Variants in TPCN2 observed in about 807,000 individuals in gnomAD.
The protein encoded by TPCN2 is two pore segment channel 2.
In TPCN2, 92 loss-of-function variants were observed where a neutral mutation model predicts 111.4. That is an observed-to-expected ratio of 0.83 (90% CI 0.70 to 0.98). The LOEUF is 0.98. TPCN2 is among the 50% of genes least tolerant of loss of function. TPCN2 has a pLI of 0.00. For missense variants in TPCN2, 995 were observed against 980.1 expected (o/e 1.02, Z -0.20); for synonymous variants, 405 against 414.5 (o/e 0.98, Z 0.28).
chr11:69,085,857 G>C lies in TPCN2; in HGVS notation c.1930G>C (p.Val644Leu). ...GTCTCTGCCCCCGCAGGCTGCCCTG[G>C]TCACTCTGTGGAACTTGATGGTGGT... ...NNFDDFAAAL[V>L]TLWNLMVVNN... Residue 644 changes from valine (V) to leucine (L), a missense_variant, in exon 22 of 25, where the codon GTC (valine) becomes CTC (leucine). Transcript: ENST00000294309. 1.2e-6 allele frequency: 2 copies of C among 1,614,158 alleles called. No individual in the cohort carries two copies. The highest frequency in any genetic ancestry group is 1.7e-6 in the Non-Finnish European group (2 of 1,180,002).
intron 4 of TPCN2, among the ~76,000 whole-genome samples, chr11:69,055,771 G>A (rs1455238322): frequency 1.3e-5 from 2 of 152,038 alleles, no homozygotes; most frequent in East Asian, 1.9e-4. Context: ...CAGGGGTTGC[G>A]CAGGCTGACA....
chr11:69,062,970 G>A lies in TPCN2; in HGVS notation c.633G>A (p.Trp211Ter). 6.2e-7 allele frequency: 1 copy of A among 1,613,932 alleles called. No homozygotes were observed. The highest frequency in any genetic ancestry group is 8.5e-7 in the Non-Finnish European group (1 of 1,179,858). ...MMKKTLKCIR[W>*]SLPEMASVGL... Reference sequence around the variant, plus strand: ...AGAAGACCTTGAAATGCATCCGCTGGTCGCTGCCGGAAATGGCCAGGTGGG... The same window carrying A: ...AGAAGACCTTGAAATGCATCCGCTGATCGCTGCCGGAAATGGCCAGGTGGG... Residue 211 changes from tryptophan (W) to a stop codon, truncating the protein, a stop_gained, in exon 6 of 25, where the codon TGG (tryptophan) becomes TGA (stop). Transcript: ENST00000294309. LOFTEE classifies it high-confidence loss of function.
rs1292031272 is a variant in TPCN2, at chr11:69,089,299, T to A, written c.*1346T>A. 6.6e-6 allele frequency: 1 copy of A among 151,804 alleles called. No individual in the cohort carries two copies. The highest frequency in any genetic ancestry group is 2.4e-5 in the African/African-American group (1 of 41,066). The allele number at this position is 151,804 out of a possible 1,614,324, so 9.4% of individuals were successfully genotyped here. A position where few individuals can be genotyped will look rare whatever the true frequency, so the allele number is the denominator to read the frequency against. On this transcript the variant is annotated 3_prime_UTR_variant, in exon 25 of 25. Transcript: ENST00000294309. ...AAACCACCGCAAACTTGGAGAAAAG[T>A]TGTAAGCACAGTAAAGAGAAGCTTC...
intron 7 of TPCN2, among the ~76,000 whole-genome samples, chr11:69,065,187 G>A (rs1041011109): frequency 1.3e-5 from 2 of 152,172 alleles, no homozygotes; most frequent in Non-Finnish European, 2.9e-5. Flanking sequence ...TGTGGGTGGT[G>A]GGGGCAGCTG....
At chr11:69,076,638 ACCTGCCCTCCTGCC>A (rs1485731316) in intron 13 of TPCN2, among the ~76,000 whole-genome samples, 1,027 of 93,656 alleles carry the variant, frequency 0.011, 109 homozygotes, top group East Asian at 0.095. Context: ...GTGTCCCTCC[ACCTGCCCTCCTGCC>A]GTGTCCCTCC....
intron 18 of TPCN2, among the ~76,000 whole-genome samples, chr11:69,082,651 G>C (rs7118553): frequency 1.7e-5 from 1 of 59,166 alleles, no homozygotes; most frequent in African/African-American, 4.6e-5. Flanking sequence ...CACACATCGC[G>C]TGCAGATATC....
intron 13 of TPCN2, among the ~76,000 whole-genome samples, chr11:69,075,989 T>C (rs902386323): frequency 7.9e-5 from 12 of 152,196 alleles, no homozygotes; most frequent in Non-Finnish European, 1.5e-4. Context: ...TTAGACGTAA[T>C]AGATAATGCT....
intron 5 of TPCN2, among the ~76,000 whole-genome samples, chr11:69,059,771 A>G (rs1047393287): frequency 6.6e-6 from 1 of 152,252 alleles, no homozygotes; most frequent in Non-Finnish European, 1.5e-5. Context: ...CATAACCTGC[A>G]TGCCTGTCTG....
intron 7 of TPCN2, among the ~76,000 whole-genome samples, chr11:69,064,692 TC>T (rs1417115514): frequency 1.3e-5 from 2 of 152,242 alleles, no homozygotes; most frequent in Non-Finnish European, 2.9e-5. Flanking sequence ...GCGCTGCTGT[TC>T]CTGTTTGTGG....
rs536683314 is a variant in TPCN2, at chr11:69,057,089, C to T, written c.430-489C>T. On this transcript the variant is annotated intron_variant, in intron 4 of 24. Transcript: ENST00000294309. ...CCGACCTTGAGTGATCCGCCCACCT[C>T]GGCCTCCCAAAGTGCTGGGATTACA... is the stretch of plus-strand genomic sequence containing the variant. 2.6e-5 allele frequency among the ~76,000 whole-genome samples: 4 copies of T among 152,314 alleles called. 1 individual carries two copies. In the South Asian group the frequency reaches 6.2e-4, roughly 24 times the overall value.
chr11:69,050,781 G>T (rs547819321), intron 1 of TPCN2, among the ~76,000 whole-genome samples: 6 of 152,360 alleles, frequency 3.9e-5, no homozygotes, highest in African/African-American at 9.6e-5. Flanking sequence ...CCTCAGCACA[G>T]GGCCCGGCGG....
At chr11:69,077,532 C>T (rs1251889488) in intron 13 of TPCN2, among the ~76,000 whole-genome samples, 1 of 152,246 alleles carries the variant, frequency 6.6e-6, no homozygotes, top group Non-Finnish European at 1.5e-5. Context: ...TGATCATTGG[C>T]ACCACCAGTT....
intron 13 of TPCN2, among the ~76,000 whole-genome samples, chr11:69,075,020 GC>G (rs1307739241): frequency 6.6e-6 from 1 of 152,196 alleles, no homozygotes; most frequent in Non-Finnish European, 1.5e-5. Flanking sequence ...GATTGCTTTG[GC>G]CGTGACCCAG....
At chr11:69,053,408 A>G (rs11228461) in intron 1 of TPCN2, among the ~76,000 whole-genome samples, 11,263 of 151,674 alleles carry the variant, frequency 0.074, 1,440 homozygotes, top group African/African-American at 0.26. Flanking sequence ...GCCTCATGGC[A>G]GTGCCTTTGG....
At position 69,090,037 on chromosome 11, in the gene TPCN2, C is replaced by T. The variant is rs938338633; in HGVS notation, c.*2084C>T. Reference sequence around the variant, plus strand: ...CTCTTTCATTTATTGGAGTGAGCTGCAGCTCTAAGAAGACCTGTTCTTTTG... The same window carrying T: ...CTCTTTCATTTATTGGAGTGAGCTGTAGCTCTAAGAAGACCTGTTCTTTTG... On this transcript the variant is annotated 3_prime_UTR_variant, in exon 25 of 25. Transcript: ENST00000294309. 1.1e-4 allele frequency: 17 copies of T among 152,288 alleles called. No individual in the cohort carries two copies. The highest frequency in any genetic ancestry group is 3.9e-4 in the African/African-American group (16 of 41,544). The allele number at this position is 152,288 out of a possible 1,614,324, so 9.4% of individuals were successfully genotyped here. A position where few individuals can be genotyped will look rare whatever the true frequency, so the allele number is the denominator to read the frequency against.
In TPCN2 at chr11:69,078,523, C is replaced by T. The variant is rs765580313; in HGVS notation, c.1272C>T (p.Ser424=). ...RPEYQSPFLQ[S]AQFLFGHYYF... is the part of the protein sequence containing the mutation. The stretch of plus-strand genomic sequence containing the variant: ...AGTACCAGTCTCCGTTTCTGCAGAG[C>T]GCCCAGTTCCTCTTCGGCCACTACT... Residue 424 remains serine (S), a synonymous_variant, in exon 14 of 25, where the codon AGC becomes AGT. Transcript: ENST00000294309. 64 of 1,614,034 alleles carry T rather than the reference C, an allele frequency of 4.0e-5. No individual in the cohort carries two copies. The highest frequency in any genetic ancestry group is 5.3e-5 in the Non-Finnish European group (62 of 1,180,042).
At chr11:69,055,495 T>C (rs1854715602) in intron 4 of TPCN2, 143 bp downstream of exon 4, 1 of 887,484 alleles carries the variant, frequency 1.1e-6, no homozygotes, top group Admixed American at 3.0e-5. Context: ...AGGCACACTT[T>C]CTTGGACAAG....
At chr11:69,083,237 C>T (rs1749180894) in intron 18 of TPCN2, 1 of 152,992 alleles carries the variant, frequency 6.5e-6, no homozygotes, top group African/African-American at 2.4e-5. Context: ...TGCCGTTTTG[C>T]TTGAAGTCGC....
chr11:69,049,184 C>G (rs1861098746), intron 1 of TPCN2, 78 bp downstream of exon 1: 1 of 947,978 alleles, frequency 1.1e-6, no homozygotes, highest in Non-Finnish European at 1.4e-6. Flanking sequence ...TCCCAGCACC[C>G]CGCTTTCTGC....
Sources: allele counts gnomAD v4.1 joint callset (sites outside exome capture counted in the v4.1 genomes callset), GRCh38; gene constraint gnomAD v4.1.1; transcripts MANE v1.5; gene names NCBI Gene and HGNC (gene_info 2026-07-23, HGNC 2026-07-21).